The following SLC67A2 variants were observed in gnomAD, a reference collection of about 807,000 sequenced individuals.
SLC67A2 encodes solute carrier family 67 member A2.
chr2:102,718,620 C>G, the SLC67A2 span: 5 of 1,613,544 alleles, frequency 3.1e-6, no homozygotes, highest in Admixed American at 8.3e-5. Context: ...ATAAGGGTGC[C>G]GCTGGCCTGG....
the SLC67A2 span, chr2:102,731,207 T>G: frequency 1.9e-5 from 11 of 592,174 alleles, no homozygotes; most frequent in Non-Finnish European, 3.1e-5. Flanking sequence ...TCACATCTTT[T>G]TTTTTTCTAC....
the SLC67A2 span, chr2:102,718,294 C>T: frequency 8.5e-5 from 101 of 1,182,074 alleles, no homozygotes; most frequent in South Asian, 1.3e-3. Flanking sequence ...GGAAGCCCAA[C>T]AGCTCACACC....
chr2:102,726,527 TGTAATTA>T, the SLC67A2 span, among the ~76,000 whole-genome samples: 1 of 152,054 alleles, frequency 6.6e-6, no homozygotes, highest in African/African-American at 2.4e-5. Flanking sequence ...CAACTGCCAT[TGTAATTA>T]GCACTTTAGG....
At chr2:102,736,664 G>C in the SLC67A2 span, 2 of 1,613,992 alleles carry the variant, frequency 1.2e-6, no homozygotes, top group South Asian at 2.2e-5. Flanking sequence ...CCACCAAGTA[G>C]AGACAGAGCA....
chr2:102,736,469 G>A, the SLC67A2 span: 3 of 1,460,132 alleles, frequency 2.1e-6, no homozygotes, highest in South Asian at 1.4e-5. Context: ...AGTGTGGCCA[G>A]ATGCAGACTG....
chr2:102,736,613 G>T, the SLC67A2 span: 1 of 1,613,744 alleles, frequency 6.2e-7, no homozygotes, highest in Non-Finnish European at 8.5e-7. Flanking sequence ...AACACAGTCA[G>T]CACTTGCTCC....
chr2:102,730,769 T>A, the SLC67A2 span, among the ~76,000 whole-genome samples: 1 of 152,166 alleles, frequency 6.6e-6, no homozygotes, highest in Admixed American at 6.5e-5. Context: ...CAGGATGGTC[T>A]CGATCTCCTG....
the SLC67A2 span, among the ~76,000 whole-genome samples, chr2:102,729,436 C>T: frequency 1.3e-5 from 2 of 152,288 alleles, no homozygotes; most frequent in South Asian, 4.1e-4. Flanking sequence ...GACCTAATAG[C>T]TCTAACAGAT....
chr2:102,725,323 T>C, the SLC67A2 span, among the ~76,000 whole-genome samples: 1 of 152,182 alleles, frequency 6.6e-6, no homozygotes, highest in Non-Finnish European at 1.5e-5. Flanking sequence ...TTTTTATATA[T>C]AGCTCTCATT....
chr2:102,733,496 C>T, the SLC67A2 span, among the ~76,000 whole-genome samples: 1 of 152,044 alleles, frequency 6.6e-6, no homozygotes, highest in Admixed American at 6.5e-5. Flanking sequence ...TTTAGATGAC[C>T]CTGTTATCTA....
chr2:102,719,196 A>G, the SLC67A2 span: 36 of 1,609,858 alleles, frequency 2.2e-5, no homozygotes, highest in East Asian at 7.8e-4. Flanking sequence ...CATGGAAAGA[A>G]CCAAACGAGA....
the SLC67A2 span, among the ~76,000 whole-genome samples, chr2:102,719,514 T>C: frequency 6.6e-6 from 1 of 152,194 alleles, no homozygotes; most frequent in Non-Finnish European, 1.5e-5. Flanking sequence ...ATCTGAATTG[T>C]TATAAATTTA....
At chr2:102,718,412 A>T in the SLC67A2 span, 1 of 1,613,096 alleles carries the variant, frequency 6.2e-7, no homozygotes, top group Non-Finnish European at 8.5e-7. Flanking sequence ...TATGTTGTCC[A>T]AATCCATCTA....
At chr2:102,726,859 G>A in the SLC67A2 span, 2 of 1,597,082 alleles carry the variant, frequency 1.3e-6, no homozygotes, top group African/African-American at 1.4e-5. Flanking sequence ...CGGGACTCTA[G>A]CCAGGACAAA....
At chr2:102,731,911 G>T in the SLC67A2 span, 1 of 323,538 alleles carries the variant, frequency 3.1e-6, no homozygotes, top group Non-Finnish European at 6.2e-6. Context: ...CAACTAATTG[G>T]CTAATGTTCA....
the SLC67A2 span, among the ~76,000 whole-genome samples, chr2:102,724,359 A>C: frequency 1.3e-5 from 2 of 152,216 alleles, no homozygotes; most frequent in African/African-American, 4.8e-5. Flanking sequence ...AAACCAAAGA[A>C]CAGAGAAACG....
chr2:102,720,943 C>T, the SLC67A2 span, among the ~76,000 whole-genome samples: 3 of 152,312 alleles, frequency 2.0e-5, no homozygotes, highest in East Asian at 1.9e-4. Context: ...ATGGCCAAAG[C>T]CCTGGGTGGG....
the SLC67A2 span, chr2:102,726,796 T>C: frequency 1.3e-6 from 2 of 1,512,530 alleles, no homozygotes; most frequent in East Asian, 2.4e-5. Flanking sequence ...CATATTGAGG[T>C]TCTGGGGGAA....
At chr2:102,719,408 T>C in the SLC67A2 span, among the ~76,000 whole-genome samples, 1 of 152,024 alleles carries the variant, frequency 6.6e-6, no homozygotes, top group African/African-American at 2.4e-5. Flanking sequence ...AAAGACTCTT[T>C]GCCTTTAAAA....
Sources: allele counts gnomAD v4.1 joint callset (sites outside exome capture counted in the v4.1 genomes callset), GRCh38; gene constraint gnomAD v4.1.1; transcripts MANE v1.5; gene names NCBI Gene and HGNC (gene_info 2026-07-23, HGNC 2026-07-21).